The following RAB7A variants were observed in gnomAD, a reference collection of about 807,000 sequenced individuals.
RAB7A encodes ras-related protein Rab-7a.
RAB7A carries 2 observed loss-of-function variants against 24.5 expected under a neutral mutation model. The ratio of observed to expected loss-of-function variants is 0.08; its 90% CI spans 0.03 to 0.26. RAB7A has a LOEUF of 0.26. Ranked by LOEUF, RAB7A falls within the 10% of genes least tolerant of loss-of-function variation. The pLI, the probability that RAB7A is intolerant of heterozygous loss-of-function variation, is 1.00. For synonymous variants in RAB7A, 100 were observed against 95.9 expected (o/e 1.04, Z -0.25); for missense variants, 118 against 255.7 (o/e 0.46, Z 3.67).
intron 1 of RAB7A, among the ~76,000 whole-genome samples, chr3:128,751,368 G>A (rs1433003978): frequency 1.3e-5 from 2 of 152,220 alleles, no homozygotes; most frequent in Non-Finnish European, 2.9e-5. Context: ...CCTCAGGGGT[G>A]GAGCTGCCCA....
intron 1 of RAB7A, among the ~76,000 whole-genome samples, chr3:128,769,007 G>T (rs1159557659): frequency 2.7e-5 from 3 of 112,032 alleles, no homozygotes; most frequent in East Asian, 2.8e-4. Context: ...AGGAAACAGG[G>T]TCTCACTCTC....
chr3:128,756,485 C>T (rs1382442574), intron 1 of RAB7A, among the ~76,000 whole-genome samples: 1 of 151,902 alleles, frequency 6.6e-6, no homozygotes. Context: ...TAGAAAGCTA[C>T]AAAACATTGC....
At chr3:128,756,003 A>C (rs1430141156) in intron 1 of RAB7A, among the ~76,000 whole-genome samples, 4 of 152,202 alleles carry the variant, frequency 2.6e-5, no homozygotes, top group African/African-American at 9.7e-5. Context: ...TCATTCAGCA[A>C]AATTGCAGGT....
intron 1 of RAB7A, among the ~76,000 whole-genome samples, chr3:128,742,684 C>T (rs2070566653): frequency 6.6e-6 from 1 of 152,122 alleles, no homozygotes; most frequent in Non-Finnish European, 1.5e-5. Context: ...GTTTACAAAC[C>T]TTGAGCTAGA....
At chr3:128,731,612 T>C (rs1298015418) in intron 1 of RAB7A, among the ~76,000 whole-genome samples, 5 of 152,198 alleles carry the variant, frequency 3.3e-5, no homozygotes, top group African/African-American at 1.2e-4. Context: ...GGAATGTCAG[T>C]CTAGGTCTGC....
chr3:128,744,876 C>CTTT (rs1242538121), intron 1 of RAB7A, among the ~76,000 whole-genome samples: 1 of 139,376 alleles, frequency 7.2e-6, no homozygotes, highest in African/African-American at 2.7e-5. Context: ...TTTTCTTTTT[C>CTTT]TTTTTTTTTT....
intron 1 of RAB7A, among the ~76,000 whole-genome samples, chr3:128,779,867 A>G (rs558140132): frequency 2.0e-5 from 3 of 152,348 alleles, no homozygotes; most frequent in African/African-American, 7.2e-5. Context: ...CAGCTGAGAA[A>G]GAGGTTTAAT....
intron 1 of RAB7A, among the ~76,000 whole-genome samples, chr3:128,778,176 A>G (rs1420506147): frequency 1.3e-5 from 2 of 152,234 alleles, no homozygotes; most frequent in Non-Finnish European, 2.9e-5. Context: ...ACTGTATAGT[A>G]GAACTGTCCA....
At chr3:128,808,967 A>G (rs984970329) in intron 5 of RAB7A, among the ~76,000 whole-genome samples, 4 of 152,204 alleles carry the variant, frequency 2.6e-5, no homozygotes, top group African/African-American at 9.7e-5. Flanking sequence ...TGTTCCACCC[A>G]GAATGCCAGG....
intron 1 of RAB7A, among the ~76,000 whole-genome samples, chr3:128,783,304 T>C (rs2107605926): frequency 6.7e-6 from 1 of 149,768 alleles, no homozygotes; most frequent in Middle Eastern, 3.4e-3. Context: ...GTAGTCATGA[T>C]TCAAGTATGC....
At chr3:128,785,004 G>A (rs906192335) in intron 1 of RAB7A, 3 of 149,138 alleles carry the variant, frequency 2.0e-5, no homozygotes, top group African/African-American at 5.0e-5. Flanking sequence ...GGAGTGCAGT[G>A]ATGCAATCCC....
intron 1 of RAB7A, chr3:128,795,097 C>T (rs1933538089): frequency 3.9e-6 from 2 of 519,236 alleles, no homozygotes; most frequent in Admixed American, 3.3e-5. Flanking sequence ...TCAATTGATC[C>T]ACCACCCAAG....
chr3:128,758,277 T>G (rs959780954), intron 1 of RAB7A, among the ~76,000 whole-genome samples: 105 of 149,596 alleles, frequency 7.0e-4, no homozygotes, highest in South Asian at 1.5e-3. Context: ...TTTTTTTGTT[T>G]TTTTTTTTTT....
chr3:128,795,779 T>C (rs1206714594), intron 2 of RAB7A, among the ~76,000 whole-genome samples: 1 of 135,824 alleles, frequency 7.4e-6, no homozygotes, highest in Admixed American at 7.5e-5. Context: ...GGAGACAGAG[T>C]CTCGCTCTGT....
intron 4 of RAB7A, among the ~76,000 whole-genome samples, chr3:128,806,926 G>A (rs759804757): frequency 2.6e-5 from 4 of 152,268 alleles, no homozygotes; most frequent in Non-Finnish European, 5.9e-5. Flanking sequence ...GGATCTCCAT[G>A]TGTGCAGAAT....
chr3:128,779,152 G>A (rs1268135615), intron 1 of RAB7A, among the ~76,000 whole-genome samples: 1 of 152,150 alleles, frequency 6.6e-6, no homozygotes, highest in Non-Finnish European at 1.5e-5. Flanking sequence ...GGTGGCTCAC[G>A]CCTATAATCC....
At chr3:128,749,337 A>G (rs1000328241) in intron 1 of RAB7A, 3 of 152,134 alleles carry the variant, frequency 2.0e-5, no homozygotes, top group Admixed American at 6.5e-5. Flanking sequence ...CTGAATATAT[A>G]TATACTTTGG....
At chr3:128,780,240 G>A (rs1235946804) in intron 1 of RAB7A, among the ~76,000 whole-genome samples, 1 of 152,204 alleles carries the variant, frequency 6.6e-6, no homozygotes, top group African/African-American at 2.4e-5. Context: ...TCTAGGAACA[G>A]TGGGGATGCA....
intron 1 of RAB7A, among the ~76,000 whole-genome samples, chr3:128,729,606 C>A (rs913822505): frequency 6.6e-6 from 1 of 151,014 alleles, no homozygotes; most frequent in African/African-American, 2.4e-5. Flanking sequence ...AAGGGATCTT[C>A]ACTAATAACG....
Sources: allele counts gnomAD v4.1 joint callset (sites outside exome capture counted in the v4.1 genomes callset), GRCh38; gene constraint gnomAD v4.1.1; transcripts MANE v1.5; gene names NCBI Gene and HGNC (gene_info 2026-07-23, HGNC 2026-07-21).